ELAPOR1: variants seen among roughly 807,000 people sequenced by gnomAD.
ELAPOR1 encodes endosome/lysosome-associated apoptosis and autophagy regulator 1.
In ELAPOR1, 77 loss-of-function variants were observed where a neutral mutation model predicts 119.7. The ratio of observed to expected loss-of-function variants is 0.64; its 90% CI spans 0.54 to 0.78. The LOEUF is 0.78. Among genes scored for constraint, ELAPOR1 ranks in the 30% least tolerant of loss-of-function variants. The pLI is 0.00. For missense variants in ELAPOR1, 1,115 were observed against 1,270.4 expected, an observed-to-expected ratio of 0.88 and a Z score of 1.86; for synonymous variants, 481 against 487.2, an observed-to-expected ratio of 0.99 and a Z score of 0.17.
intron 1 of ELAPOR1, among the ~76,000 whole-genome samples, chr1:109,124,221 C>A (rs1648631310): frequency 6.6e-6 from 1 of 151,918 alleles, no homozygotes; most frequent in South Asian, 2.1e-4. Context: ...AGGTCTACAT[C>A]ATCATTTTTC....
chr1:109,172,496 T>C lies in ELAPOR1; in HGVS notation c.624T>C (p.Asn208=). Residue 208 remains asparagine, a synonymous_variant, in exon 5 of 22, where the codon AAT becomes AAC. Transcript: ENST00000369939. ...AACTCTTTTTATGTCAGGTTCAGAA[T>C]GACCAGTGCCAGCCCAATGCAGATG... ...SSIIFEFFVQ[N]DQCQPNADDS... is the part of the protein sequence containing the mutation. 1 of 1,613,194 alleles carries C rather than the reference T, an allele frequency of 6.2e-7. No homozygotes were observed. The highest frequency in any genetic ancestry group is 8.5e-7 in the Non-Finnish European group (1 of 1,179,256).
intron 1 of ELAPOR1, among the ~76,000 whole-genome samples, chr1:109,135,747 C>T (rs912855879): frequency 6.6e-6 from 1 of 152,174 alleles, no homozygotes; most frequent in Non-Finnish European, 1.5e-5. Context: ...CTGAATATCT[C>T]TTAACTGGTT....
chr1:109,115,946 A>G (rs1294755573), intron 1 of ELAPOR1, among the ~76,000 whole-genome samples: 1 of 152,206 alleles, frequency 6.6e-6, no homozygotes, highest in Non-Finnish European at 1.5e-5. Flanking sequence ...AACCAAAATA[A>G]TGAGACCAAG....
chr1:109,165,855 C>T (rs1490712906), intron 3 of ELAPOR1, among the ~76,000 whole-genome samples: 1 of 151,526 alleles, frequency 6.6e-6, no homozygotes, highest in Admixed American at 6.6e-5. Flanking sequence ...AGTGTTTCTC[C>T]TCCCTCAGCC....
At chr1:109,134,927 C>A (rs1649373266) in intron 1 of ELAPOR1, among the ~76,000 whole-genome samples, 1 of 152,090 alleles carries the variant, frequency 6.6e-6, no homozygotes, top group Admixed American at 6.6e-5. Context: ...TCTCTCTCCT[C>A]CCTCTCTTTA....
At chr1:109,197,688 A>AGAGAGT (rs113482805) in intron 16 of ELAPOR1, 34 bp downstream of exon 16, 35 of 1,366,696 alleles carry the variant, frequency 2.6e-5, no homozygotes, top group Middle Eastern at 2.0e-4. Context: ...CTTGTTTGAG[A>AGAGAGT]GTGTGTGTGT....
In ELAPOR1 at chr1:109,194,461, A is replaced by G; in HGVS notation, c.1988A>G (p.Asn663Ser). 2 of 1,613,840 alleles carry G rather than the reference A, an allele frequency of 1.2e-6. No homozygotes were observed. The highest frequency in any genetic ancestry group is 1.7e-6 in the Non-Finnish European group (2 of 1,179,720). ...LCYNDCTFSR[N>S]TPTRTFNYNF... ...TACAACGATTGCACCTTCTCACGCA[A>G]CACTCCGACCAGGACTTTCAACTAC... Residue 663 changes from asparagine to serine, a missense_variant, in exon 15 of 22, where the codon AAC (asparagine) becomes AGC (serine). Transcript: ENST00000369939.
chr1:109,191,950 G>A, intron 13 of ELAPOR1, 87 bp downstream of exon 13: 1 of 1,502,604 alleles, frequency 6.7e-7, no homozygotes, highest in Non-Finnish European at 9.1e-7. Flanking sequence ...TGAGTGTGAA[G>A]TTCAGAATCT....
At chr1:109,145,182 T>C (rs1650099855) in intron 1 of ELAPOR1, among the ~76,000 whole-genome samples, 1 of 152,150 alleles carries the variant, frequency 6.6e-6, no homozygotes, top group African/African-American at 2.4e-5. Flanking sequence ...TTCTTGCCCT[T>C]CTACCTTCTG....
intron 7 of ELAPOR1, 141 bp downstream of exon 7, chr1:109,173,978 A>C (rs1570683953): frequency 1.1e-6 from 1 of 881,194 alleles, no homozygotes. Flanking sequence ...ATCCTGGAAT[A>C]CCCTTGCCAA....
chr1:109,202,461 GAC>G (rs1654236853), intron 21 of ELAPOR1, among the ~76,000 whole-genome samples: 1 of 144,978 alleles, frequency 6.9e-6, no homozygotes, highest in African/African-American at 2.6e-5. Flanking sequence ...TTTTTTTTGA[GAC>G]AGAGTTTCGC....
At chr1:109,118,738 G>A (rs1405335448) in intron 1 of ELAPOR1, among the ~76,000 whole-genome samples, 6 of 152,132 alleles carry the variant, frequency 3.9e-5, no homozygotes, top group African/African-American at 1.4e-4. Context: ...CCAAAATGCA[G>A]AAAGAACAGC....
chr1:109,178,144 G>GT (rs1344151080), intron 7 of ELAPOR1, among the ~76,000 whole-genome samples: 1 of 151,452 alleles, frequency 6.6e-6, no homozygotes, highest in Non-Finnish European at 1.5e-5. Flanking sequence ...CGAGTAACTA[G>GT]GATTACAGGT....
At chr1:109,138,642 C>G (rs1461121723) in intron 1 of ELAPOR1, among the ~76,000 whole-genome samples, 1 of 148,202 alleles carries the variant, frequency 6.7e-6, no homozygotes, top group Non-Finnish European at 1.5e-5. Context: ...AACACTTTCT[C>G]CCCTGGGTCA....
chr1:109,195,493 CA>C (rs55780811), intron 15 of ELAPOR1, among the ~76,000 whole-genome samples: 7,906 of 140,532 alleles, frequency 0.056, 216 homozygotes, highest in African/African-American at 0.087. Flanking sequence ...GACTCCGTCT[CA>C]AAAAAAAAAA....
chr1:109,140,817 CTAAA>C (rs1010001835), intron 1 of ELAPOR1, among the ~76,000 whole-genome samples: 17 of 152,156 alleles, frequency 1.1e-4, no homozygotes, highest in Non-Finnish European at 2.1e-4. Context: ...ATAAGTGAAA[CTAAA>C]TACTTAAAAG....
intron 1 of ELAPOR1, among the ~76,000 whole-genome samples, chr1:109,154,847 A>C (rs1475508105): frequency 6.6e-6 from 1 of 152,164 alleles, no homozygotes; most frequent in Non-Finnish European, 1.5e-5. Context: ...AACCACCATC[A>C]CTTGGAAGAG....
intron 1 of ELAPOR1, among the ~76,000 whole-genome samples, chr1:109,150,136 T>C (rs1413996245): frequency 1.3e-5 from 2 of 152,142 alleles, no homozygotes; most frequent in Admixed American, 1.3e-4. Flanking sequence ...GTGGTCAAGG[T>C]CCTGCCTGGC....
At chr1:109,155,266 C>T (rs1295933715) in intron 1 of ELAPOR1, among the ~76,000 whole-genome samples, 1 of 152,062 alleles carries the variant, frequency 6.6e-6, no homozygotes, top group Non-Finnish European at 1.5e-5. Flanking sequence ...AGCTCCGCCT[C>T]CCGGGTTCAC....
Sources: allele counts gnomAD v4.1 joint callset (sites outside exome capture counted in the v4.1 genomes callset), GRCh38; gene constraint gnomAD v4.1.1; transcripts MANE v1.5; gene names NCBI Gene and HGNC (gene_info 2026-07-23, HGNC 2026-07-21).